The following ALK variants were observed in gnomAD, a reference collection of about 807,000 sequenced individuals.
The protein encoded by ALK is ALK receptor tyrosine kinase, also known as ALK tyrosine kinase receptor.
In ALK, 74 loss-of-function variants were observed where a neutral mutation model predicts 163.1. That is an observed-to-expected ratio of 0.45 (90% CI 0.38 to 0.55). ALK has a LOEUF of 0.55. Among genes scored for constraint, ALK ranks in the 20% least tolerant of loss-of-function variants. The pLI, the probability that ALK is intolerant of heterozygous loss-of-function variation, is 0.00. For synonymous variants in ALK, 960 were observed against 843.2 expected (o/e 1.14, Z -2.40); for missense variants, 2,063 against 2,105.3 (o/e 0.98, Z 0.39).
At chr2:29,782,917 A>G (rs1663875745) in intron 1 of ALK, among the ~76,000 whole-genome samples, 1 of 152,142 alleles carries the variant, frequency 6.6e-6, no homozygotes, top group African/African-American at 2.4e-5. Context: ...CCCTCTGACC[A>G]TATTCTAGAA....
rs116908375 is a variant in ALK at position 29,341,720 on chromosome 2, G to A, written c.1283-13239C>T. On this transcript the variant is annotated intron_variant, in intron 5 of 28. Coordinates refer to ENST00000389048, the MANE Select transcript of ALK (RefSeq NM_004304.5). ...GGATGGGCCATTCTTCCAGCTAGGGGGGAGAGGAAGCAGGGTGTCCTTGGA... is the reference window on the plus strand; with the variant it reads ...GGATGGGCCATTCTTCCAGCTAGGGAGGAGAGGAAGCAGGGTGTCCTTGGA... Among the ~76,000 whole-genome samples the A allele has an allele frequency of 3.2e-4, 48 of 152,326 alleles. 2 individuals are homozygous for A. In the East Asian group the frequency reaches 8.1e-3, roughly 26 times the overall value.
intron 3 of ALK, among the ~76,000 whole-genome samples, chr2:29,599,626 T>C (rs1230142224): frequency 1.3e-5 from 2 of 152,224 alleles, no homozygotes; most frequent in African/African-American, 4.8e-5. Flanking sequence ...TTGAAGACAC[T>C]TGAGTTTCTT....
intron 1 of ALK, among the ~76,000 whole-genome samples, chr2:29,803,153 G>C (rs1322482077): frequency 6.6e-6 from 1 of 152,058 alleles, no homozygotes; most frequent in Non-Finnish European, 1.5e-5. Flanking sequence ...AATGAGCTGT[G>C]TCTATGCCAG....
chr2:29,790,832 C>T (rs1156454117), intron 1 of ALK, among the ~76,000 whole-genome samples: 1 of 152,170 alleles, frequency 6.6e-6, no homozygotes, highest in Non-Finnish European at 1.5e-5. Flanking sequence ...GATCCACCTG[C>T]CTGGTCCTCC....
At chr2:29,893,096 T>G (rs752051595) in intron 1 of ALK, among the ~76,000 whole-genome samples, 2 of 152,206 alleles carry the variant, frequency 1.3e-5, no homozygotes, top group Non-Finnish European at 2.9e-5. Flanking sequence ...GATGTGCTGT[T>G]GTCGCCCCTG....
chr2:29,765,156 C>T (rs752685336), intron 1 of ALK, among the ~76,000 whole-genome samples: 1 of 152,190 alleles, frequency 6.6e-6, no homozygotes. Context: ...GCCAATTAAA[C>T]CTATTTTATT....
intron 4 of ALK, among the ~76,000 whole-genome samples, chr2:29,525,709 G>A (rs62131078): frequency 0.45 from 66,317 of 147,228 alleles, 15,361 homozygotes; most frequent in South Asian, 0.7. Context: ...AAAATCACTT[G>A]AACCCAGGAG....
chr2:29,764,849 C>T (rs1439475597), intron 1 of ALK, among the ~76,000 whole-genome samples: 1 of 152,136 alleles, frequency 6.6e-6, no homozygotes, highest in African/African-American at 2.4e-5. Context: ...TGTGTCCCCA[C>T]CCAAATCTCA....
intron 1 of ALK, among the ~76,000 whole-genome samples, chr2:29,918,660 G>A (rs1667900391): frequency 6.6e-6 from 1 of 152,096 alleles, no homozygotes; most frequent in African/African-American, 2.4e-5. Flanking sequence ...CAATGACTAG[G>A]GAACCTCAGC....
chr2:29,401,601 C>T (rs539306576), intron 4 of ALK, among the ~76,000 whole-genome samples: 10 of 152,252 alleles, frequency 6.6e-5, no homozygotes, highest in African/African-American at 1.9e-4. Flanking sequence ...CCTGAACTCA[C>T]GACTCCTGGA....
intron 1 of ALK, among the ~76,000 whole-genome samples, chr2:29,824,345 G>T (rs1170837860): frequency 6.6e-6 from 1 of 152,300 alleles, no homozygotes; most frequent in Non-Finnish European, 1.5e-5. Flanking sequence ...TCCCTACTGG[G>T]GCACCACCTA....
intron 4 of ALK, among the ~76,000 whole-genome samples, chr2:29,410,059 C>A (rs752686583): frequency 6.6e-6 from 1 of 152,114 alleles, no homozygotes; most frequent in African/African-American, 2.4e-5. Context: ...GGTTCAGTCA[C>A]GCATTGCTTA....
chr2:29,333,109 T>C (rs1483834117), intron 5 of ALK, among the ~76,000 whole-genome samples: 2 of 143,880 alleles, frequency 1.4e-5, no homozygotes, highest in African/African-American at 5.9e-5. Flanking sequence ...TGAAGTTGGG[T>C]TTTTTTGTTT....
Position 29,456,136 on chromosome 2 carries a change from C to G in ALK, c.1155-72277G>C, listed in dbSNP as rs145155161. Among the ~76,000 whole-genome samples the G allele has an allele frequency of 1.8e-3, 277 of 152,168 alleles. 1 individual carries two copies. The highest frequency in any genetic ancestry group is 2.4e-3 in the Non-Finnish European group (164 of 67,996). On this transcript the variant is annotated intron_variant, in intron 4 of 28. Transcript: ENST00000389048. ...TTGCTGCTGGGAATGTAAAATGGTG[C>G]AGGGGCTGTGGAAAACAGTTTGGTG...
At chr2:29,429,572 A>G (rs1015388766) in intron 4 of ALK, among the ~76,000 whole-genome samples, 2 of 152,074 alleles carry the variant, frequency 1.3e-5, no homozygotes, top group African/African-American at 2.4e-5. Context: ...TTGTTGAAGG[A>G]AATCAAATAA....
chr2:29,504,444 A>C (rs1207165260), intron 4 of ALK, among the ~76,000 whole-genome samples: 1 of 152,184 alleles, frequency 6.6e-6, no homozygotes, highest in Non-Finnish European at 1.5e-5. Flanking sequence ...AGAAGGGAGC[A>C]AAAGTGGAGC....
chr2:29,196,141 A>G (rs1669018375), intron 28 of ALK, among the ~76,000 whole-genome samples: 1 of 152,242 alleles, frequency 6.6e-6, no homozygotes, highest in African/African-American at 2.4e-5. Context: ...CAGGATTGCT[A>G]GAAGAATGTT....
At chr2:29,722,681 A>G (rs1366990797) in intron 1 of ALK, among the ~76,000 whole-genome samples, 1 of 152,136 alleles carries the variant, frequency 6.6e-6, no homozygotes, top group Non-Finnish European at 1.5e-5. Context: ...TCCACATACT[A>G]CTGTTACCAA....
In ALK at chr2:29,229,179, C is replaced by T. The variant is rs1664115056; in HGVS notation, c.2633-113G>A. The T allele has an allele frequency of 4.4e-6, 4 of 902,742 alleles. No individual in the cohort carries two copies. The Admixed American group carries it at 7.8e-5, about 18-fold the overall frequency. The allele number at this position is 902,742 out of a possible 1,614,324, so 55.9% of individuals were successfully genotyped here. On this transcript the variant is annotated intron_variant, in intron 15 of 28. Coordinates refer to ENST00000389048, the MANE Select transcript of ALK (RefSeq NM_004304.5). Reference sequence around the variant, plus strand: ...TGGAGGGCGCCCGCACCAGCTCCAGCTCCCGGGGCCCATCTTCAGTGGGGC... The same window carrying T: ...TGGAGGGCGCCCGCACCAGCTCCAGTTCCCGGGGCCCATCTTCAGTGGGGC...
Sources: allele counts gnomAD v4.1 joint callset (sites outside exome capture counted in the v4.1 genomes callset), GRCh38; gene constraint gnomAD v4.1.1; transcripts MANE v1.5; gene names NCBI Gene and HGNC (gene_info 2026-07-23, HGNC 2026-07-21).